The following DPP6 variants were observed in gnomAD, a reference collection of about 807,000 sequenced individuals.
DPP6 encodes the protein dipeptidyl peptidase like 6.
In DPP6, 69 loss-of-function variants were observed where a neutral mutation model predicts 122.6. That is an observed-to-expected ratio of 0.56 (90% CI 0.46 to 0.69). DPP6 has a LOEUF of 0.69. DPP6 is among the 30% of genes least tolerant of loss of function. The probability of loss-of-function intolerance (pLI) is 0.00; values close to 1 mark genes in which losing one functional copy is unlikely to be tolerated. For synonymous variants in DPP6, 418 were observed against 433.1 expected, an observed-to-expected ratio of 0.97 and a Z score of 0.43; for missense variants, 928 against 1,116.9, an observed-to-expected ratio of 0.83 and a Z score of 2.41.
chr7:153,850,455 T>C, the DPP6 span, among the ~76,000 whole-genome samples: 1 of 152,222 alleles, frequency 6.6e-6, no homozygotes, highest in South Asian at 2.1e-4. Context: ...TACAACTTCA[T>C]GTAATGCAAG....
intron 1 of DPP6, among the ~76,000 whole-genome samples, chr7:154,120,986 C>T (rs1427898137): frequency 6.6e-6 from 1 of 152,090 alleles, no homozygotes; most frequent in African/African-American, 2.4e-5. Context: ...GGGCTGGTTT[C>T]CCCCATGCTG....
rs1436974127 is a variant in DPP6 at position 154,821,026 on chromosome 7, T to C, written c.1666+13914T>C. The stretch of plus-strand genomic sequence containing the variant: ...CTTCATGTTTACTGAAAGCATATTC[T>C]TAAGGCCGGTGTTGGGGATGCCCTT... On this transcript the variant is annotated intron_variant, in intron 16 of 25. Coordinates refer to ENST00000377770, the MANE Select transcript of DPP6 (RefSeq NM_130797.4). The surrounding 1 kb of genome is among the most constrained non-coding windows in gnomAD (Gnocchi z 4.2). Among the ~76,000 whole-genome samples the C allele has an allele frequency of 6.6e-6, 1 of 152,184 alleles. No homozygotes were observed. The highest frequency in any genetic ancestry group is 1.5e-5 in the Non-Finnish European group (1 of 68,028).
intron 2 of DPP6, among the ~76,000 whole-genome samples, chr7:154,472,416 A>G (rs1383651784): frequency 1.3e-5 from 2 of 151,154 alleles, no homozygotes; most frequent in Non-Finnish European, 2.9e-5. Flanking sequence ...TCTCTCCTTT[A>G]TCTTGGCTAG....
At chr7:154,339,972 C>T (rs1355751586) in intron 1 of DPP6, among the ~76,000 whole-genome samples, 1 of 152,038 alleles carries the variant, frequency 6.6e-6, no homozygotes, top group East Asian at 1.9e-4. Flanking sequence ...ACTCGGGAGG[C>T]TGAGGCAAGA....
chr7:154,891,970 G>C (rs1287549971), intron 25 of DPP6, among the ~76,000 whole-genome samples: 1 of 152,122 alleles, frequency 6.6e-6, no homozygotes, highest in East Asian at 1.9e-4. Context: ...AAGCAGATCC[G>C]GACTGTAGAG....
Position 154,016,083 on chromosome 7 carries a change from C to G in DPP6, c.51+128349C>G, listed in dbSNP as rs550857977. Reference sequence around the variant, plus strand: ...CATCAGTGCCTTTGCTCCTCTGCCCCGAAGGCTCTCTCATAGATCTTCCCG... The same window carrying G: ...CATCAGTGCCTTTGCTCCTCTGCCCGGAAGGCTCTCTCATAGATCTTCCCG... On this transcript the variant is annotated intron_variant, in intron 1 of 25. Coordinates refer to the DPP6 transcript ENST00000404039. Among the ~76,000 whole-genome samples, 302 of 152,310 alleles carry G rather than the reference C, an allele frequency of 2.0e-3. 2 individuals are homozygous for G. The highest frequency in any genetic ancestry group is 3.4e-3 in the Middle Eastern group (1 of 294).
chr7:154,053,477 A>G (rs2129063072), intron 1 of DPP6, among the ~76,000 whole-genome samples: 1 of 150,434 alleles, frequency 6.6e-6, no homozygotes, highest in East Asian at 2.0e-4. Flanking sequence ...AGCCTCAGGC[A>G]CCTTCTCTCC....
intron 5 of DPP6, among the ~76,000 whole-genome samples, chr7:154,589,597 G>A (rs1832683197): frequency 6.6e-6 from 1 of 152,214 alleles, no homozygotes. Flanking sequence ...TTGAGCATGG[G>A]GAATGTGGCT....
intron 16 of DPP6, among the ~76,000 whole-genome samples, chr7:154,820,262 C>T (rs1056465839): frequency 1.3e-5 from 2 of 152,176 alleles, no homozygotes; most frequent in African/African-American, 4.8e-5. Context: ...CCTGGAGAAG[C>T]ATTTTAAAGA....
chr7:154,311,505 AAAAAAAG>A (rs1297565011), intron 1 of DPP6, among the ~76,000 whole-genome samples: 3 of 152,056 alleles, frequency 2.0e-5, no homozygotes, highest in Non-Finnish European at 4.4e-5. Context: ...TCCACAAAAA[AAAAAAAG>A]AAAAAGAAAA....
chr7:153,828,330 T>C, the DPP6 span, among the ~76,000 whole-genome samples: 1 of 151,184 alleles, frequency 6.6e-6, no homozygotes, highest in East Asian at 2.0e-4. Flanking sequence ...GTCTTGACTG[T>C]GTTGGCTGTT....
At chr7:154,614,860 T>G (rs1240813738) in intron 5 of DPP6, among the ~76,000 whole-genome samples, 2 of 152,252 alleles carry the variant, frequency 1.3e-5, no homozygotes, top group Non-Finnish European at 2.9e-5. Flanking sequence ...AGGCCAAGTA[T>G]GTCAAATGTT....
intron 12 of DPP6, 127 bp downstream of exon 12, chr7:154,796,010 A>C: frequency 7.1e-7 from 1 of 1,407,298 alleles, no homozygotes; most frequent in Non-Finnish European, 9.4e-7. Context: ...CCAGGCAGAA[A>C]CAGACGGCGT....
intron 1 of DPP6, among the ~76,000 whole-genome samples, chr7:154,283,044 C>T (rs1367845162): frequency 6.6e-6 from 1 of 152,198 alleles, no homozygotes; most frequent in East Asian, 1.9e-4. Context: ...CTCCTATCTC[C>T]AGTTCCTACC....
intron 16 of DPP6, among the ~76,000 whole-genome samples, chr7:154,816,508 T>C (rs1799433785): frequency 6.6e-6 from 1 of 152,214 alleles, no homozygotes; most frequent in Non-Finnish European, 1.5e-5. Flanking sequence ...GGGGCACCAC[T>C]GTACCTGTCC....
At chr7:153,992,588 G>T (rs532673302) in intron 1 of DPP6, among the ~76,000 whole-genome samples, 2 of 152,140 alleles carry the variant, frequency 1.3e-5, no homozygotes, top group Non-Finnish European at 2.9e-5. Flanking sequence ...CATCTAATCC[G>T]TCCTACCCAC....
intron 1 of DPP6, among the ~76,000 whole-genome samples, chr7:154,229,747 T>G (rs1429675126): frequency 6.6e-6 from 1 of 152,188 alleles, no homozygotes; most frequent in East Asian, 1.9e-4. Flanking sequence ...TTGCTGCAAT[T>G]TTATCAGAAT....
At chr7:154,479,278 C>T (rs577923551) in intron 3 of DPP6, among the ~76,000 whole-genome samples, 1 of 152,312 alleles carries the variant, frequency 6.6e-6, no homozygotes, top group South Asian at 2.1e-4. Flanking sequence ...CCACTCTGGG[C>T]CAGGTGTGGT....
chr7:154,429,510 G>A (rs766273308), intron 1 of DPP6, among the ~76,000 whole-genome samples: 4 of 152,180 alleles, frequency 2.6e-5, no homozygotes, highest in African/African-American at 7.2e-5. Context: ...ACAGAGCATC[G>A]CTTTTAACAG....
Sources: gnomAD v4.1 joint callset for allele counts (sites outside exome capture counted in the v4.1 genomes callset) on GRCh38, gnomAD v4.1.1 for gene constraint, Gnocchi (gnomAD v3.1) non-coding constraint, MANE v1.5 for transcripts, NCBI Gene and HGNC (gene_info 2026-07-23, HGNC 2026-07-21) for gene names.